AUTS2: variants seen among roughly 807,000 people sequenced by gnomAD.
AUTS2 encodes the protein autism susceptibility gene 2 protein.
In AUTS2, 17 loss-of-function variants were observed where a neutral mutation model predicts 112.4. The observed-to-expected ratio is 0.15, with a 90% CI of 0.10 to 0.23. The LOEUF (loss-of-function observed/expected upper bound fraction) is 0.23, where lower values mean the gene tolerates loss of function less well. AUTS2 is among the 10% of genes least tolerant of loss of function. The pLI, the probability that AUTS2 is intolerant of heterozygous loss-of-function variation, is 1.00. For synonymous variants in AUTS2, 751 were observed against 702.7 expected (o/e 1.07, Z -1.09); for missense variants, 1,510 against 1,701.6 (o/e 0.89, Z 1.98).
At chr7:69,725,582 A>T (rs1291840455) in intron 1 of AUTS2, among the ~76,000 whole-genome samples, 2 of 152,214 alleles carry the variant, frequency 1.3e-5, no homozygotes, top group Non-Finnish European at 2.9e-5. Flanking sequence ...GGACATGGAA[A>T]TGGTTTGCTC....
intron 4 of AUTS2, among the ~76,000 whole-genome samples, chr7:70,243,488 T>G (rs1389034482): frequency 6.6e-6 from 1 of 152,122 alleles, no homozygotes; most frequent in African/African-American, 2.4e-5. Flanking sequence ...TGATAACAAC[T>G]GTTGAGACAT....
At chr7:70,192,221 G>T (rs62458807) in intron 4 of AUTS2, among the ~76,000 whole-genome samples, 5,191 of 152,168 alleles carry the variant, frequency 0.034, 168 homozygotes, top group Admixed American at 0.096. Flanking sequence ...TAAAAATGTT[G>T]TGTACCTTCC....
chr7:69,706,153 T>A (rs1798054064), intron 1 of AUTS2, among the ~76,000 whole-genome samples: 1 of 152,152 alleles, frequency 6.6e-6, no homozygotes, highest in Admixed American at 6.5e-5. Context: ...GGAAGAGAAG[T>A]AAAGATAGAG....
intron 5 of AUTS2, among the ~76,000 whole-genome samples, chr7:70,666,589 T>G (rs1807360772): frequency 6.6e-6 from 1 of 152,210 alleles, no homozygotes. Context: ...TCTCCTGCCC[T>G]TCTTCCTGTC....
At chr7:70,484,957 G>T (rs1159087953) in intron 5 of AUTS2, among the ~76,000 whole-genome samples, 1 of 152,138 alleles carries the variant, frequency 6.6e-6, no homozygotes, top group African/African-American at 2.4e-5. Flanking sequence ...TGCAAGAATG[G>T]CCATAATTCA....
chr7:69,796,118 T>A (rs1471290656), intron 1 of AUTS2, among the ~76,000 whole-genome samples: 1 of 152,238 alleles, frequency 6.6e-6, no homozygotes, highest in Non-Finnish European at 1.5e-5. Flanking sequence ...TTCCAGGAAA[T>A]GACACCTGAA....
chr7:69,785,091 G>A (rs1302052937), intron 1 of AUTS2, among the ~76,000 whole-genome samples: 1 of 151,984 alleles, frequency 6.6e-6, no homozygotes, highest in African/African-American at 2.4e-5. Flanking sequence ...GTGTGTTCAT[G>A]GAAGGCCTTA....
chr7:69,734,031 T>C (rs1786920087), intron 1 of AUTS2, among the ~76,000 whole-genome samples: 2 of 152,184 alleles, frequency 1.3e-5, no homozygotes, highest in Admixed American at 1.3e-4. Context: ...GAGGCAAAGC[T>C]GGTAAGAATG....
intron 5 of AUTS2, among the ~76,000 whole-genome samples, chr7:70,656,311 T>A (rs1806767915): frequency 6.6e-6 from 1 of 152,130 alleles, no homozygotes; most frequent in East Asian, 1.9e-4. Context: ...TTTGAAAATT[T>A]AAAATAAATT....
chr7:69,649,855 G>A (rs1047333523), intron 1 of AUTS2, among the ~76,000 whole-genome samples: 1 of 152,170 alleles, frequency 6.6e-6, no homozygotes, highest in African/African-American at 2.4e-5. Flanking sequence ...GCAAAATCTG[G>A]AAGGATCACT....
intron 5 of AUTS2, among the ~76,000 whole-genome samples, chr7:70,477,791 TGG>T (rs36142284): frequency 0.15 from 23,194 of 152,160 alleles, 2,266 homozygotes; most frequent in Non-Finnish European, 0.2. Context: ...TGATGTGTAC[TGG>T]GAATCCACAA....
chr7:69,868,941 A>G (rs1793359138), intron 1 of AUTS2, among the ~76,000 whole-genome samples: 1 of 152,142 alleles, frequency 6.6e-6, no homozygotes, highest in South Asian at 2.1e-4. Flanking sequence ...ATTGTGCTGG[A>G]AGAGGTATTT....
intron 1 of AUTS2, among the ~76,000 whole-genome samples, chr7:69,728,875 C>T (rs1786650275): frequency 1.3e-5 from 2 of 152,010 alleles, no homozygotes; most frequent in African/African-American, 4.8e-5. Context: ...TAGAAAATAG[C>T]CAGTGTCTAC....
Position 70,038,235 on chromosome 7 carries a change from T to G in AUTS2, c.523-79897T>G, listed in dbSNP as rs946284461. On this transcript the variant is annotated intron_variant, in intron 2 of 18. Transcript: ENST00000342771. ...AACTTGGAAACCAAGCATTTCAAAG[T>G]ACCTGGGAACTTTCTTCATCACATC... Among the ~76,000 whole-genome samples the G allele has an allele frequency of 2.2e-4, 33 of 152,098 alleles. 1 individual carries two copies. Among genetic ancestry groups the G allele is most frequent in the Non-Finnish European group, 7.4e-5 (5 of 68,018 alleles).
intron 2 of AUTS2, among the ~76,000 whole-genome samples, chr7:70,053,416 C>A (rs1477552494): frequency 1.3e-5 from 2 of 152,144 alleles, no homozygotes; most frequent in African/African-American, 4.8e-5. Context: ...GGGCCAGGCA[C>A]CAAAGTGAAT....
chr7:69,968,624 T>A (rs1337703721), intron 2 of AUTS2, among the ~76,000 whole-genome samples: 1 of 152,168 alleles, frequency 6.6e-6, no homozygotes, highest in Non-Finnish European at 1.5e-5. Context: ...TGTGCCTCCC[T>A]TTTGAAATCT....
chr7:70,081,965 T>TGTGCGCGCGC (rs1018968486), intron 2 of AUTS2, among the ~76,000 whole-genome samples: 2 of 128,016 alleles, frequency 1.6e-5, no homozygotes, highest in Admixed American at 8.0e-5. Flanking sequence ...TGTGTGTGTG[T>TGTGCGCGCGC]GCGCGCGCCT....
rs2293506 is a variant in AUTS2 at position 70,771,705 on chromosome 7, G to T, written c.1830+61G>T. On this transcript the variant is annotated intron_variant, in intron 11 of 18. Coordinates refer to ENST00000342771, the MANE Select transcript of AUTS2 (RefSeq NM_015570.4). The stretch of plus-strand genomic sequence containing the variant: ...GTCTAAGTGGCGTCCCGGGCCAGGC[G>T]TGCAGGAAGTTCTGCGTCCTCTTGC... 7.0e-4 allele frequency: 1,029 copies of T among 1,472,356 alleles called. 9 individuals are homozygous for T. Among genetic ancestry groups the T allele is most frequent in the Non-Finnish European group, 1.5e-4 (160 of 1,056,956 alleles). 91.2% of individuals were successfully genotyped at this position (1,472,356 alleles called of 1,614,324 possible).
chr7:70,212,758 C>G (rs953502338), intron 4 of AUTS2, among the ~76,000 whole-genome samples: 7 of 152,118 alleles, frequency 4.6e-5, no homozygotes, highest in Non-Finnish European at 1.0e-4. Context: ...TTTAGGCACA[C>G]TGAATAGAAA....
Sources: allele counts gnomAD v4.1 joint callset (sites outside exome capture counted in the v4.1 genomes callset), GRCh38; gene constraint gnomAD v4.1.1; transcripts MANE v1.5; gene names NCBI Gene and HGNC (gene_info 2026-07-23, HGNC 2026-07-21).